The following UVRAG variants were observed in gnomAD, a reference collection of about 807,000 sequenced individuals.
UVRAG encodes UV radiation resistance-associated gene protein.
In UVRAG, 19 loss-of-function variants were observed where a neutral mutation model predicts 78.0. The observed-to-expected ratio is 0.24, with a 90% confidence interval of 0.17 to 0.36. The LOEUF (loss-of-function observed/expected upper bound fraction) is 0.36, where lower values mean the gene tolerates loss of function less well. UVRAG is among the 10% of genes least tolerant of loss of function. The probability of loss-of-function intolerance (pLI) is 1.00; values close to 1 mark genes in which losing one functional copy is unlikely to be tolerated. For missense variants in UVRAG, 740 were observed against 853.8 expected, an observed-to-expected ratio of 0.87 and a Z score of 1.66; for synonymous variants, 323 against 324.6, an observed-to-expected ratio of 1.00 and a Z score of 0.05.
Position 75,983,446 on chromosome 11 carries a change from G to A in UVRAG, c.759G>A (p.Arg253=). Residue 253 remains arginine (R), a synonymous_variant, in exon 8 of 15, where the codon CGG becomes CGA. Transcript: ENST00000356136. ...TGGTGCTTCAGAATGAACTGGAACG[G>A]CAGAAGAAAGCTTTGGGACGGGAGG... ...KILVLQNELE[R]QKKALGREVA... The A allele has an allele frequency of 3.7e-6, 6 of 1,611,254 alleles. No homozygotes were observed. Among genetic ancestry groups the A allele is most frequent in the Non-Finnish European group, 5.1e-6 (6 of 1,178,242 alleles).
intron 7 of UVRAG, among the ~76,000 whole-genome samples, chr11:75,962,615 C>T (rs1185160111): frequency 2.0e-5 from 3 of 152,132 alleles, no homozygotes; most frequent in Non-Finnish European, 4.4e-5. Context: ...ATAAAAACAT[C>T]TTCCGTTTCA....
intron 8 of UVRAG, among the ~76,000 whole-genome samples, chr11:76,000,922 A>C (rs1949801913): frequency 6.6e-6 from 1 of 152,238 alleles, no homozygotes. Flanking sequence ...AATTATAGTT[A>C]GAAACCACAA....
At chr11:75,969,993 C>A (rs555757919) in intron 7 of UVRAG, among the ~76,000 whole-genome samples, 1 of 151,906 alleles carries the variant, frequency 6.6e-6, no homozygotes, top group Admixed American at 6.6e-5. Context: ...TACTTTATAC[C>A]TTAGGAAGGA....
chr11:75,912,066 A>G, intron 6 of UVRAG, 27 bp downstream of exon 6: 1 of 1,465,608 alleles, frequency 6.8e-7, no homozygotes, highest in Non-Finnish European at 9.5e-7. Flanking sequence ...ATTGCCCTGA[A>G]TTCTAAAGAA....
chr11:75,880,558 C>A (rs1255367244), intron 4 of UVRAG, among the ~76,000 whole-genome samples: 1 of 151,894 alleles, frequency 6.6e-6, no homozygotes, highest in East Asian at 1.9e-4. Context: ...GATTACAGTT[C>A]TCTTTTTTTT....
At chr11:75,889,261 T>C (rs1450243147) in intron 5 of UVRAG, among the ~76,000 whole-genome samples, 1 of 152,224 alleles carries the variant, frequency 6.6e-6, no homozygotes, top group Non-Finnish European at 1.5e-5. Context: ...TTTCAATACA[T>C]TTAAGAAACT....
chr11:76,092,046 C>T (rs549504850), intron 13 of UVRAG, among the ~76,000 whole-genome samples: 46 of 151,904 alleles, frequency 3.0e-4, no homozygotes, highest in African/African-American at 1.0e-3. Context: ...CAAGTGTTCT[C>T]ATTGTTCAAT....
At chr11:76,025,902 G>T (rs1243785715) in intron 12 of UVRAG, among the ~76,000 whole-genome samples, 1 of 152,008 alleles carries the variant, frequency 6.6e-6, no homozygotes, top group East Asian at 1.9e-4. Flanking sequence ...TATGACCTGC[G>T]TTTTTTATTA....
At chr11:75,903,145 T>G (rs2134995040) in intron 5 of UVRAG, among the ~76,000 whole-genome samples, 1 of 152,266 alleles carries the variant, frequency 6.6e-6, no homozygotes, top group Admixed American at 6.5e-5. Context: ...TTATTACCAT[T>G]GCCACTGATG....
intron 6 of UVRAG, among the ~76,000 whole-genome samples, chr11:75,958,361 A>T (rs564809298): frequency 6.6e-6 from 1 of 152,328 alleles, no homozygotes; most frequent in Non-Finnish European, 1.5e-5. Context: ...TGTTTTATCA[A>T]CTAAGTTTAT....
intron 14 of UVRAG, among the ~76,000 whole-genome samples, chr11:76,119,572 G>A (rs73498286): frequency 0.029 from 4,452 of 152,184 alleles, 212 homozygotes; most frequent in African/African-American, 0.1. Flanking sequence ...CAGCTAATGG[G>A]ACCCTGTCTA....
chr11:76,052,951 A>G (rs979913546), intron 12 of UVRAG, among the ~76,000 whole-genome samples: 2 of 149,482 alleles, frequency 1.3e-5, no homozygotes, highest in Non-Finnish European at 3.0e-5. Flanking sequence ...TAGAGTATCT[A>G]TATACTATAG....
At chr11:76,061,051 A>G (rs1248394062) in intron 12 of UVRAG, among the ~76,000 whole-genome samples, 1 of 152,186 alleles carries the variant, frequency 6.6e-6, no homozygotes, top group Non-Finnish European at 1.5e-5. Context: ...GACTTGGAGA[A>G]CCTTTATGTC....
chr11:75,846,313 G>A (rs1946032373), intron 1 of UVRAG, among the ~76,000 whole-genome samples: 1 of 151,786 alleles, frequency 6.6e-6, no homozygotes, highest in Non-Finnish European at 1.5e-5. Flanking sequence ...TCCATCTGGT[G>A]GGTGGGCATC....
chr11:76,107,671 A>G (rs183913411), intron 13 of UVRAG, among the ~76,000 whole-genome samples: 11 of 152,308 alleles, frequency 7.2e-5, no homozygotes, highest in African/African-American at 1.4e-4. Context: ...ATATATTGCA[A>G]TGACTCACTG....
At chr11:76,096,129 T>G (rs949028786) in intron 13 of UVRAG, among the ~76,000 whole-genome samples, 4 of 152,162 alleles carry the variant, frequency 2.6e-5, no homozygotes, top group African/African-American at 9.7e-5. Context: ...GCTAAGATTC[T>G]TGTAGACACT....
At chr11:76,046,283 T>C (rs1950754438) in intron 12 of UVRAG, among the ~76,000 whole-genome samples, 1 of 152,144 alleles carries the variant, frequency 6.6e-6, no homozygotes, top group Admixed American at 6.5e-5. Flanking sequence ...GAAAACATTA[T>C]TCATGGAAAA....
At chr11:76,120,005 T>C (rs1952246905) in intron 14 of UVRAG, among the ~76,000 whole-genome samples, 1 of 152,196 alleles carries the variant, frequency 6.6e-6, no homozygotes, top group Admixed American at 6.5e-5. Flanking sequence ...ATAAGCTCTT[T>C]CCTGTCTGAG....
chr11:76,103,673 G>A (rs1042740272), intron 13 of UVRAG, among the ~76,000 whole-genome samples: 9 of 151,694 alleles, frequency 5.9e-5, no homozygotes, highest in African/African-American at 1.9e-4. Context: ...AAGGCATGAA[G>A]TAGCTATTAT....
Sources: gnomAD v4.1 joint callset for allele counts (sites outside exome capture counted in the v4.1 genomes callset) on GRCh38, gnomAD v4.1.1 for gene constraint, MANE v1.5 for transcripts, NCBI Gene and HGNC (gene_info 2026-07-23, HGNC 2026-07-21) for gene names.